The following PDE4D variants were observed in gnomAD, a reference collection of about 807,000 sequenced individuals.
The protein encoded by PDE4D is phosphodiesterase 4D.
In PDE4D, 24 loss-of-function variants were observed where a neutral mutation model predicts 87.4. The ratio of observed to expected loss-of-function variants is 0.27; its 90% CI spans 0.20 to 0.39. The LOEUF (loss-of-function observed/expected upper bound fraction) is 0.39. PDE4D is among the 10% of genes least tolerant of loss of function. The pLI is 1.00. For missense variants in PDE4D, 714 were observed against 1,041.0 expected (o/e 0.69, Z 4.32); for synonymous variants, 384 against 383.2 (o/e 1.00, Z -0.02).
At chr5:60,086,920 AG>A (rs1230902493) in intron 2 of PDE4D, among the ~76,000 whole-genome samples, 1 of 152,148 alleles carries the variant, frequency 6.6e-6, no homozygotes, top group Non-Finnish European at 1.5e-5. Context: ...TAGTGCTGCA[AG>A]GGGGGGCACC....
chr5:59,960,793 C>T (rs1186691802), intron 3 of PDE4D, among the ~76,000 whole-genome samples: 2 of 151,922 alleles, frequency 1.3e-5, no homozygotes, highest in East Asian at 1.9e-4. Flanking sequence ...AATAGAAACT[C>T]GAACCTCAGC....
At chr5:59,048,941 A>G (rs1315763010) in intron 5 of PDE4D, among the ~76,000 whole-genome samples, 1 of 152,266 alleles carries the variant, frequency 6.6e-6, no homozygotes, top group Non-Finnish European at 1.5e-5. Flanking sequence ...TTATAAAGTC[A>G]GAATAATCTT....
At chr5:59,765,916 T>C (rs75815077) in intron 1 of PDE4D, among the ~76,000 whole-genome samples, 3,982 of 152,296 alleles carry the variant, frequency 0.026, 196 homozygotes, top group African/African-American at 0.091. Context: ...AAATGGTTCT[T>C]GCTCAACTTT....
intron 1 of PDE4D, among the ~76,000 whole-genome samples, chr5:60,477,733 CT>C (rs1413759245): frequency 6.6e-6 from 1 of 152,184 alleles, no homozygotes; most frequent in Non-Finnish European, 1.5e-5. Flanking sequence ...GTGTTGCCAA[CT>C]ACCATTTTAC....
chr5:59,678,701 G>C (rs1359421617), intron 1 of PDE4D, among the ~76,000 whole-genome samples: 2 of 152,132 alleles, frequency 1.3e-5, no homozygotes, highest in African/African-American at 4.8e-5. Context: ...CTGACCTCAA[G>C]TGATCCGCCT....
intron 1 of PDE4D, among the ~76,000 whole-genome samples, chr5:60,315,618 A>G (rs926560095): frequency 6.6e-6 from 1 of 152,156 alleles, no homozygotes; most frequent in African/African-American, 2.4e-5. Context: ...TTATGGTTTT[A>G]GGTCTAACAT....
chr5:59,912,403 C>T (rs1361147139), intron 3 of PDE4D, among the ~76,000 whole-genome samples: 1 of 152,174 alleles, frequency 6.6e-6, no homozygotes, highest in African/African-American at 2.4e-5. Context: ...TCTTGTCTTT[C>T]TTCTTTCAGA....
intron 1 of PDE4D, among the ~76,000 whole-genome samples, chr5:59,531,635 C>A (rs567998716): frequency 2.0e-5 from 3 of 152,286 alleles, no homozygotes; most frequent in Non-Finnish European, 2.9e-5. Flanking sequence ...TTCTAGCTGT[C>A]CACATTCCTT....
At chr5:59,837,805 C>T (rs372559660) in intron 1 of PDE4D, among the ~76,000 whole-genome samples, 5 of 152,036 alleles carry the variant, frequency 3.3e-5, no homozygotes, top group Non-Finnish European at 5.9e-5. Context: ...GACACCATTG[C>T]TCCTTAAAGA....
chr5:59,495,323 A>T (rs1043401052), intron 1 of PDE4D, among the ~76,000 whole-genome samples: 1 of 152,072 alleles, frequency 6.6e-6, no homozygotes, highest in Non-Finnish European at 1.5e-5. Context: ...CATCATATCT[A>T]CTTACTCCAT....
upstream of PDE4D, among the ~76,000 whole-genome samples, chr5:59,895,424 A>G (rs1751528527): frequency 6.6e-6 from 1 of 152,178 alleles, no homozygotes; most frequent in Non-Finnish European, 1.5e-5. Context: ...GTTGTGTCTT[A>G]AGAGAAACAA....
In PDE4D at chr5:58,993,690, A is replaced by C. The variant is rs1463816; in HGVS notation, c.922-225T>G. ...CCACAGGTGGTTACTAAGCATTTGA[A>C]ATGTGGCTAGTGCAAATGAGAAACC... On this transcript the variant is annotated intron_variant, in intron 6 of 14. Coordinates refer to ENST00000340635, the MANE Select transcript of PDE4D (RefSeq NM_001104631.2). Among the ~76,000 whole-genome samples the C allele has an allele frequency of 0.82, 124,250 of 152,040 alleles. 50,945 individuals are homozygous for C. The highest frequency in any genetic ancestry group is 0.88 in the Admixed American group (13,458 of 15,254).
chr5:59,189,253 G>T (rs11954741), intron 3 of PDE4D, among the ~76,000 whole-genome samples: 62,389 of 120,346 alleles, frequency 0.52, 17,667 homozygotes, highest in Middle Eastern at 0.6. Flanking sequence ...TGTTTTTTTT[G>T]TTTTTTTTTT....
intron 3 of PDE4D, among the ~76,000 whole-genome samples, chr5:59,186,184 T>C (rs1464476607): frequency 3.3e-5 from 5 of 152,188 alleles, no homozygotes; most frequent in African/African-American, 1.2e-4. Context: ...AGATTCCAAA[T>C]GTCTGAGTAG....
At chr5:60,311,109 C>T (rs1170237784) in intron 1 of PDE4D, among the ~76,000 whole-genome samples, 9 of 152,056 alleles carry the variant, frequency 5.9e-5, no homozygotes, top group Non-Finnish European at 1.3e-4. Flanking sequence ...TCTTCACCTC[C>T]CAGGTTCAAG....
At chr5:59,923,321 T>A (rs533178242) in intron 3 of PDE4D, among the ~76,000 whole-genome samples, 1 of 152,348 alleles carries the variant, frequency 6.6e-6, no homozygotes, top group African/African-American at 2.4e-5. Flanking sequence ...TTGTTGGCTA[T>A]GCTACCTGCT....
chr5:59,517,410 T>C (rs1411230323), intron 1 of PDE4D, among the ~76,000 whole-genome samples: 6 of 152,232 alleles, frequency 3.9e-5, no homozygotes, highest in Non-Finnish European at 8.8e-5. Flanking sequence ...AAAGATCAAA[T>C]GCCTACTTTT....
At chr5:59,738,572 G>T (rs1758407330) in intron 1 of PDE4D, among the ~76,000 whole-genome samples, 1 of 151,994 alleles carries the variant, frequency 6.6e-6, no homozygotes, top group Admixed American at 6.6e-5. Flanking sequence ...GGAAGGAAAG[G>T]TGATAGAATT....
chr5:59,328,313 T>C (rs1251774548), intron 1 of PDE4D, among the ~76,000 whole-genome samples: 2 of 152,160 alleles, frequency 1.3e-5, no homozygotes, highest in African/African-American at 2.4e-5. Flanking sequence ...ATCCCTCCTA[T>C]GTTTGTTGTG....
Sources: gnomAD v4.1 joint callset for allele counts (sites outside exome capture counted in the v4.1 genomes callset) on GRCh38, gnomAD v4.1.1 for gene constraint, MANE v1.5 for transcripts, NCBI Gene and HGNC (gene_info 2026-07-23, HGNC 2026-07-21) for gene names.